The following SH3RF3 variants were observed in gnomAD, a reference collection of about 807,000 sequenced individuals.
The protein encoded by SH3RF3 is E3 ubiquitin-protein ligase SH3RF3.
A neutral mutation model predicts 66.3 loss-of-function variants in SH3RF3; 29 were observed. The ratio of observed to expected loss-of-function variants is 0.44; its 90% confidence interval spans 0.33 to 0.60. The LOEUF (loss-of-function observed/expected upper bound fraction) is 0.60, where lower values mean the gene tolerates loss of function less well. SH3RF3 is among the 20% of genes least tolerant of loss of function. The pLI is 0.04. For synonymous variants in SH3RF3, 583 were observed against 532.0 expected (o/e 1.10, Z -1.32); for missense variants, 1,194 against 1,190.9 (o/e 1.00, Z -0.04).
At position 109,403,230 on chromosome 2, in the gene SH3RF3, G is replaced by T. The variant is rs188395750; in HGVS notation, c.1299+4287G>T. Reference sequence around the variant, plus strand: ...ACAGCCTGAGAGCCGCGCACTGTCCGAGGCTGGCCTCCTCCCCGCAGCTGT... The same window carrying T: ...ACAGCCTGAGAGCCGCGCACTGTCCTAGGCTGGCCTCCTCCCCGCAGCTGT... On this transcript the variant is annotated intron_variant, in intron 4 of 9. Coordinates refer to ENST00000309415, the MANE Select transcript of SH3RF3 (RefSeq NM_001099289.3). Among the ~76,000 whole-genome samples, 423 of 152,354 alleles carry T rather than the reference G, an allele frequency of 2.8e-3. 2 individuals carry two copies. Among genetic ancestry groups the T allele is most frequent in the Middle Eastern group, 6.8e-3 (2 of 294 alleles).
intron 7 of SH3RF3, among the ~76,000 whole-genome samples, chr2:109,439,773 T>C (rs932995100): frequency 4.0e-5 from 6 of 151,270 alleles, no homozygotes; most frequent in African/African-American, 1.5e-4. Context: ...CAAGGCACCC[T>C]GCAGGGGTCT....
At chr2:109,408,650 C>T (rs1573227970) in intron 4 of SH3RF3, among the ~76,000 whole-genome samples, 1 of 152,252 alleles carries the variant, frequency 6.6e-6, no homozygotes, top group Non-Finnish European at 1.5e-5. Flanking sequence ...CGCACTGGCA[C>T]TCTCAGACAG....
At chr2:109,332,088 G>C (rs1352442835) in intron 1 of SH3RF3, among the ~76,000 whole-genome samples, 3 of 152,130 alleles carry the variant, frequency 2.0e-5, no homozygotes, top group African/African-American at 7.2e-5. Context: ...CCAGTCTTTT[G>C]GGTGCTTCTG....
rs1682483965 is a variant in SH3RF3 at position 109,338,647 on chromosome 2, T to C, written c.574-9027T>C. ...ATCTTGGCTCACTGCAACCTCTGCC[T>C]CCCGAGTTCAGGCAGTTCTCCTGCC... On this transcript the variant is annotated intron_variant, in intron 1 of 9. Transcript: ENST00000309415. 1.3e-5 allele frequency among the ~76,000 whole-genome samples: 2 copies of C among 152,152 alleles called. 1 individual carries two copies. Among genetic ancestry groups the C allele is most frequent in the South Asian group, 4.1e-4 (2 of 4,822 alleles).
At position 109,193,596 on chromosome 2, in the gene SH3RF3, C is replaced by T. The variant is rs763537591; in HGVS notation, c.573+63483C>T. ...GTATGTGCCATTCATTTTTTTAATG[C>T]TGCATAGTATTCTGTTGTATGGATG... On this transcript the variant is annotated intron_variant, in intron 1 of 9. Coordinates refer to ENST00000309415, the MANE Select transcript of SH3RF3 (RefSeq NM_001099289.3). Among the ~76,000 whole-genome samples, 60 of 152,054 alleles carry T rather than the reference C, an allele frequency of 3.9e-4. 1 individual carries two copies. The highest frequency in any genetic ancestry group is 7.5e-4 in the Non-Finnish European group (51 of 68,006).
chr2:109,341,927 A>C (rs1045537972), intron 1 of SH3RF3, among the ~76,000 whole-genome samples: 1 of 152,186 alleles, frequency 6.6e-6, no homozygotes, highest in Non-Finnish European at 1.5e-5. Context: ...TCTGACAGAC[A>C]AAAGAAGCAG....
At chr2:109,230,241 T>C (rs186979112) in intron 1 of SH3RF3, among the ~76,000 whole-genome samples, 23 of 152,332 alleles carry the variant, frequency 1.5e-4, no homozygotes, top group South Asian at 2.1e-4. Flanking sequence ...TTAGAGTTTT[T>C]GACTTTATGA....
chr2:109,485,128 C>A (rs1678935391), intron 8 of SH3RF3, among the ~76,000 whole-genome samples: 1 of 152,236 alleles, frequency 6.6e-6, no homozygotes, highest in Admixed American at 6.5e-5. Flanking sequence ...TTTCTATCTG[C>A]TTCCCATGGT....
chr2:109,225,337 C>T (rs1465631), intron 1 of SH3RF3, among the ~76,000 whole-genome samples: 9,489 of 152,264 alleles, frequency 0.062, 556 homozygotes, highest in East Asian at 0.2. Context: ...CTGCAAGTAA[C>T]CAAGGGAAGT....
At chr2:109,211,260 G>A (rs1678967634) in intron 1 of SH3RF3, among the ~76,000 whole-genome samples, 1 of 152,234 alleles carries the variant, frequency 6.6e-6, no homozygotes, top group African/African-American at 2.4e-5. Flanking sequence ...GCTAGGTGGT[G>A]AGGGGATGTC....
intron 1 of SH3RF3, among the ~76,000 whole-genome samples, 173 bp downstream of exon 1, chr2:109,130,286 T>A (rs6743394): frequency 0.73 from 111,175 of 152,154 alleles, 43,495 homozygotes; most frequent in Non-Finnish European, 0.89. Context: ...ATCCGGCCCC[T>A]GGGCAGCTCG....
intron 1 of SH3RF3, among the ~76,000 whole-genome samples, chr2:109,199,612 T>TCAACGCGAGTGCA (rs1574499835): frequency 3.0e-3 from 1 of 336 alleles, no homozygotes; most frequent in Non-Finnish European, 6.9e-3. Context: ...TGGAATGGAA[T>TCAACGCGAGTGCA]GGAATGGAAT....
chr2:109,485,033 TCAGCGTGTGCAGCG>T (rs1323599056), intron 8 of SH3RF3, among the ~76,000 whole-genome samples: 2 of 152,240 alleles, frequency 1.3e-5, no homozygotes, highest in Non-Finnish European at 2.9e-5. Flanking sequence ...ACGTAACCCA[TCAGCGTGTGCAGCG>T]CAGCATGTGC....
intron 7 of SH3RF3, among the ~76,000 whole-genome samples, chr2:109,448,070 C>G (rs1677759226): frequency 6.6e-6 from 1 of 152,134 alleles, no homozygotes; most frequent in African/African-American, 2.4e-5. Context: ...ATGCTCAGCC[C>G]TCACTCTTGC....
At chr2:109,301,716 A>G (rs557323841) in intron 1 of SH3RF3, among the ~76,000 whole-genome samples, 5 of 152,312 alleles carry the variant, frequency 3.3e-5, no homozygotes, top group Non-Finnish European at 5.9e-5. Flanking sequence ...TGGTTTCTCA[A>G]AGGCCTTTGA....
At chr2:109,209,146 C>T (rs1437245224) in intron 1 of SH3RF3, among the ~76,000 whole-genome samples, 1 of 152,220 alleles carries the variant, frequency 6.6e-6, no homozygotes. Context: ...TGGGTCCAAA[C>T]CCTCTGTGCT....
At chr2:109,476,122 G>T (rs191960766) in intron 8 of SH3RF3, among the ~76,000 whole-genome samples, 8 of 152,304 alleles carry the variant, frequency 5.3e-5, no homozygotes, top group Admixed American at 3.9e-4. Context: ...ACCAAACTAA[G>T]AGGAAATTAT....
chr2:109,312,519 C>T (rs973858108), intron 1 of SH3RF3, among the ~76,000 whole-genome samples: 1 of 152,154 alleles, frequency 6.6e-6, no homozygotes, highest in Non-Finnish European at 1.5e-5. Context: ...TACCCATCAG[C>T]AGCCACCCCG....
At chr2:109,174,132 G>T (rs1677864821) in intron 1 of SH3RF3, among the ~76,000 whole-genome samples, 2 of 152,256 alleles carry the variant, frequency 1.3e-5, no homozygotes, top group Admixed American at 1.3e-4. Context: ...CTGTGCCATA[G>T]GGCAGAGCCT....
Sources: allele counts gnomAD v4.1 joint callset (sites outside exome capture counted in the v4.1 genomes callset), GRCh38; gene constraint gnomAD v4.1.1; transcripts MANE v1.5; gene names NCBI Gene and HGNC (gene_info 2026-07-23, HGNC 2026-07-21).